Variants in LINGO3 observed in about 807,000 individuals in gnomAD.
LINGO3 encodes leucine-rich repeat and immunoglobulin-like domain-containing nogo receptor-interacting protein 3.
For synonymous variants in LINGO3, 427 were observed against 444.2 expected (o/e 0.96, Z 0.49); for missense variants, 750 against 867.7 (o/e 0.86, Z 1.70).
At chr19:2,295,930 A>C (rs2025567716), upstream of LINGO3, among the ~76,000 whole-genome samples, 1 of 151,260 alleles carries the variant, frequency 6.6e-6, no homozygotes, top group East Asian at 2.0e-4. Flanking sequence ...CCTGGTTCCC[A>C]GGAGGCCTTG....
chr19:2,299,339 C>T, the LINGO3 span, among the ~76,000 whole-genome samples: 1 of 152,222 alleles, frequency 6.6e-6, no homozygotes, highest in African/African-American at 2.4e-5. Flanking sequence ...ACATGGGAGA[C>T]TCGATTCTGT....
chr19:2,291,217 G>T (rs1435591067), exon 1 of LINGO3: 1 of 1,610,820 alleles, frequency 6.2e-7, no homozygotes, highest in Non-Finnish European at 8.5e-7. Context: ...GGACAGAGCC[G>T]TGAGGTTGCA....
At chr19:2,291,877 G>T in exon 1 of LINGO3, 1 of 1,038,730 alleles carries the variant, frequency 9.6e-7, no homozygotes, top group Non-Finnish European at 1.4e-6. Context: ...CCTCCGCGGC[G>T]CCTCTGCCGC....
At chr19:2,297,131 C>A in the LINGO3 span, among the ~76,000 whole-genome samples, 2 of 151,558 alleles carry the variant, frequency 1.3e-5, no homozygotes, top group Admixed American at 6.6e-5. Context: ...GTAAACCTAC[C>A]CACAGCTCTC....
chr19:2,290,542 C>T lies in LINGO3; in HGVS notation c.1235G>A (p.Arg412Gln), dbSNP rs754467044. 5.9e-6 allele frequency: 9 copies of T among 1,524,252 alleles called. No homozygotes were observed. The highest frequency in any genetic ancestry group is 7.0e-6 in the Non-Finnish European group (8 of 1,140,622). 94.4% of individuals were successfully genotyped at this position (1,524,252 alleles called of 1,614,324 possible). ...GGTGGCCGTGACGCGCTGCAGCCGC[C>T]GCTCCCGGATCTTGGGTTTGCGGCA... Residue 412 changes from arginine (R) to glutamine (Q), a missense_variant, in exon 1 of 1, where the codon CGG (arginine) becomes CAG (glutamine). Coordinates refer to ENST00000585527, the Ensembl canonical transcript of LINGO3. This position sits in a 1 kb window ranked among gnomAD's most constrained non-coding sequence, Gnocchi z 6.0.
upstream of LINGO3, among the ~76,000 whole-genome samples, chr19:2,296,429 G>A (rs1409154038): frequency 6.6e-6 from 1 of 152,132 alleles, no homozygotes; most frequent in East Asian, 1.9e-4. Flanking sequence ...GCAGTGAGCT[G>A]AGATCGCGCC....
chr19:2,293,389 T>A (rs2025544964), upstream of LINGO3, among the ~76,000 whole-genome samples: 2 of 122,434 alleles, frequency 1.6e-5, no homozygotes, highest in South Asian at 5.4e-4. Context: ...AGACAGAGTC[T>A]CACTCTGGCC....
the LINGO3 span, among the ~76,000 whole-genome samples, chr19:2,303,085 T>C: frequency 6.6e-6 from 1 of 152,158 alleles, no homozygotes; most frequent in African/African-American, 2.4e-5. Flanking sequence ...TTCCAGAACA[T>C]TCCATCACCC....
chr19:2,292,267 C>G (rs1049700631), upstream of LINGO3, among the ~76,000 whole-genome samples: 1 of 145,310 alleles, frequency 6.9e-6, no homozygotes, highest in African/African-American at 2.6e-5. Context: ...GCATGGTGGC[C>G]TGCACCTGTG....
At chr19:2,302,992 T>A in the LINGO3 span, among the ~76,000 whole-genome samples, 5 of 152,244 alleles carry the variant, frequency 3.3e-5, no homozygotes, top group Admixed American at 1.3e-4. Context: ...CCACAGCCTG[T>A]GCACGGCGCA....
At chr19:2,292,072 C>T (rs1017987416), upstream of LINGO3, 10 of 384,394 alleles carry the variant, frequency 2.6e-5, no homozygotes, top group Non-Finnish European at 4.5e-5. Context: ...CCTGTGGTCC[C>T]AGCTACTCAG....
chr19:2,296,233 C>T (rs2025570570), upstream of LINGO3, among the ~76,000 whole-genome samples: 1 of 152,152 alleles, frequency 6.6e-6, no homozygotes. Context: ...GACCCTGCAC[C>T]TCCCCCCTTA....
At chr19:2,306,585 G>A in the LINGO3 span, among the ~76,000 whole-genome samples, 2 of 152,210 alleles carry the variant, frequency 1.3e-5, no homozygotes, top group South Asian at 2.1e-4. Context: ...CGTAACCATC[G>A]TGACCTGAGC....
In LINGO3 at chr19:2,290,252, CGCCCGGGGTCCGGTTGGCGGCCG is replaced by C; in HGVS notation, c.1502_1524del (p.Pro501ArgfsTer152). 1 of 1,602,220 alleles carries C rather than the reference CGCCCGGGGTCCGGTTGGCGGCCG, an allele frequency of 6.2e-7. No homozygotes were observed. The highest frequency in any genetic ancestry group is 8.5e-7 in the Non-Finnish European group (1 of 1,177,498). The stretch of plus-strand genomic sequence containing the variant: ...GCCGCCAGCGTCTCGTTGTGGGCCT[CGCCCGGGGTCCGGTTGGCGGCCG>C]GCTCGGGGCGCACGGTCAGCGTGGC... On this transcript the variant is annotated frameshift_variant, in exon 1 of 1. Coordinates refer to ENST00000585527, the Ensembl canonical transcript of LINGO3. LOFTEE classifies it low-confidence loss of function (END_TRUNC). This position sits in a 1 kb window ranked among gnomAD's most constrained non-coding sequence, Gnocchi z 6.0.
chr19:2,307,087 T>C, the LINGO3 span, among the ~76,000 whole-genome samples: 1 of 152,042 alleles, frequency 6.6e-6, no homozygotes, highest in Non-Finnish European at 1.5e-5. Context: ...AGCTCTGTTG[T>C]CCCTGAAGGC....
chr19:2,290,297 T>C lies in LINGO3; in HGVS notation c.1480A>G (p.Thr494Ala), dbSNP rs766572913. Reference sequence around the variant, plus strand: ...GCCGGCTCGGGGCGCACGGTCAGCGTGGCGAAGTAGGTGTCGTTGCCGCCC... The same window carrying C: ...GCCGGCTCGGGGCGCACGGTCAGCGCGGCGAAGTAGGTGTCGTTGCCGCCC... Residue 494 changes from threonine (T) to alanine (A), a missense_variant, in exon 1 of 1, where the codon ACG (threonine) becomes GCG (alanine). Coordinates refer to ENST00000585527, the Ensembl canonical transcript of LINGO3. This position sits in a 1 kb window ranked among gnomAD's most constrained non-coding sequence, Gnocchi z 6.0. 6.3e-7 allele frequency: 1 copy of C among 1,579,516 alleles called. No homozygotes were observed. The highest frequency in any genetic ancestry group is 1.1e-5 in the South Asian group (1 of 88,702).
Position 2,290,614 on chromosome 19 carries a change from T to C in LINGO3, c.1163A>G (p.Asp388Gly). Residue 388 changes from aspartate to glycine, a missense_variant, in exon 1 of 1, where the codon GAC becomes GGC. Asp to Gly is a moderately conservative substitution (Grantham distance 94, BLOSUM62 -1). Transcript: ENST00000585527. The surrounding 1 kb of genome is among the most constrained non-coding windows in gnomAD (Gnocchi z 6.0). Reference sequence around the variant, plus strand: ...GGAGTCCGGCAGGTTTCGCAGCGCGTCGCCGCGCACCTCGGCCGGGGTGGC... The same window carrying C: ...GGAGTCCGGCAGGTTTCGCAGCGCGCCGCCGCGCACCTCGGCCGGGGTGGC... 6.3e-7 allele frequency: 1 copy of C among 1,590,846 alleles called. No individual in the cohort carries two copies. The highest frequency in any genetic ancestry group is 8.5e-7 in the Non-Finnish European group (1 of 1,173,276).
chr19:2,287,858 C>T (rs951635672), downstream of LINGO3, among the ~76,000 whole-genome samples: 4 of 152,316 alleles, frequency 2.6e-5, no homozygotes, highest in Non-Finnish European at 5.9e-5. The surrounding 1 kb of genome is among the most constrained non-coding windows in gnomAD (Gnocchi z 4.5). Context: ...GAGCCCTTCC[C>T]GCAAAGTCCT....
chr19:2,296,413 C>A (rs1005368516), upstream of LINGO3, among the ~76,000 whole-genome samples: 4 of 152,066 alleles, frequency 2.6e-5, no homozygotes, highest in African/African-American at 9.7e-5. Flanking sequence ...CCAGGAGGTC[C>A]AGGATGCAGT....
Sources: gnomAD v4.1 joint callset for allele counts (sites outside exome capture counted in the v4.1 genomes callset) on GRCh38, gnomAD v4.1.1 for gene constraint, Gnocchi (gnomAD v3.1) non-coding constraint, MANE v1.5 for transcripts, NCBI Gene and HGNC (gene_info 2026-07-23, HGNC 2026-07-21) for gene names.